The following CNKSR3 variants were observed in gnomAD, a reference collection of about 807,000 sequenced individuals.
CNKSR3 encodes CNKSR family member 3.
Under a neutral mutation model 67.7 loss-of-function variants are expected in CNKSR3, and 36 were observed. The observed-to-expected ratio is 0.53, with a 90% CI of 0.41 to 0.70. CNKSR3 has a LOEUF of 0.70. Ranked by LOEUF, CNKSR3 falls within the 30% of genes least tolerant of loss-of-function variation. The pLI, the probability that CNKSR3 is intolerant of heterozygous loss-of-function variation, is 0.00. For missense variants in CNKSR3, 630 were observed against 695.2 expected (o/e 0.91, Z 1.05); for synonymous variants, 281 against 271.4 (o/e 1.04, Z -0.35).
intron 1 of CNKSR3, among the ~76,000 whole-genome samples, chr6:154,461,398 T>G (rs1355554300): frequency 6.6e-6 from 1 of 152,194 alleles, no homozygotes; most frequent in Non-Finnish European, 1.5e-5. Context: ...GGAAATGGCA[T>G]AATTTATAGT....
chr6:154,479,241 A>G (rs192997639), intron 1 of CNKSR3, among the ~76,000 whole-genome samples: 2 of 151,984 alleles, frequency 1.3e-5, no homozygotes, highest in Non-Finnish European at 2.9e-5. Context: ...ATATTCTTTC[A>G]GTGCAGATTC....
intron 2 of CNKSR3, among the ~76,000 whole-genome samples, chr6:154,442,500 T>C (rs1483226620): frequency 6.6e-6 from 1 of 151,984 alleles, no homozygotes; most frequent in African/African-American, 2.4e-5. Flanking sequence ...CGGGCGCCTG[T>C]AGTCCCAGCT....
chr6:154,456,623 G>A (rs1280177931), intron 1 of CNKSR3, among the ~76,000 whole-genome samples: 6 of 140,388 alleles, frequency 4.3e-5, no homozygotes, highest in Non-Finnish European at 9.1e-5. Context: ...AGGAGAATCA[G>A]TTGAACCTGG....
chr6:154,406,319 C>G lies in CNKSR3; in HGVS notation c.*35G>C, dbSNP rs1305797500. On this transcript the variant is annotated 3_prime_UTR_variant, in exon 13 of 13. Coordinates refer to ENST00000607772, the MANE Select transcript of CNKSR3 (RefSeq NM_173515.4). ...CACTGTAAAAGCAAGGCACTTGGGG[C>G]AGGAGCCAGGCAGGTGGCCTGAGCA... The G allele has an allele frequency of 1.3e-6, 2 of 1,576,400 alleles. No homozygotes were observed. Among genetic ancestry groups the G allele is most frequent in the Admixed American group, 3.6e-5 (2 of 54,898 alleles).
At chr6:154,463,377 C>T in intron 1 of CNKSR3, among the ~76,000 whole-genome samples, 1 of 152,106 alleles carries the variant, frequency 6.6e-6, no homozygotes, top group East Asian at 1.9e-4. Flanking sequence ...CCGGCTTCAC[C>T]TTTCTTTCAT....
intron 1 of CNKSR3, among the ~76,000 whole-genome samples, chr6:154,465,472 C>A (rs929351310): frequency 3.3e-5 from 5 of 151,998 alleles, no homozygotes; most frequent in African/African-American, 1.2e-4. Context: ...CCTAGCATCC[C>A]CTCATATGTG....
chr6:154,455,704 A>C (rs999371924), intron 1 of CNKSR3, among the ~76,000 whole-genome samples: 1 of 152,202 alleles, frequency 6.6e-6, no homozygotes, highest in Non-Finnish European at 1.5e-5. Flanking sequence ...TTATAGGCAT[A>C]AGCCAACATG....
At chr6:154,423,129 A>G in intron 7 of CNKSR3, 146 bp from the exon 8 acceptor site, 1 of 569,082 alleles carries the variant, frequency 1.8e-6, no homozygotes, top group Non-Finnish European at 3.2e-6. Flanking sequence ...TTCCCCTGAG[A>G]CTACACAGTC....
intron 1 of CNKSR3, among the ~76,000 whole-genome samples, chr6:154,460,476 A>T (rs1786055757): frequency 6.6e-6 from 1 of 152,198 alleles, no homozygotes; most frequent in East Asian, 1.9e-4. Context: ...ACAAAAACAC[A>T]ACTGTGGGGA....
intron 2 of CNKSR3, among the ~76,000 whole-genome samples, chr6:154,444,488 G>A (rs190191363): frequency 8.5e-5 from 13 of 152,192 alleles, no homozygotes; most frequent in Non-Finnish European, 1.3e-4. Flanking sequence ...TAAGACAGAT[G>A]ACAAGATGGA....
intron 2 of CNKSR3, among the ~76,000 whole-genome samples, chr6:154,444,819 G>A (rs556978584): frequency 4.0e-5 from 6 of 151,838 alleles, no homozygotes; most frequent in Admixed American, 6.6e-5. Context: ...GTTGGCCAGG[G>A]TGGTCTCAAT....
intron 4 of CNKSR3, among the ~76,000 whole-genome samples, chr6:154,440,742 T>C (rs892897599): frequency 2.0e-5 from 3 of 152,204 alleles, no homozygotes; most frequent in Non-Finnish European, 4.4e-5. Context: ...ATGTCCTGTA[T>C]ACATCTTGAA....
chr6:154,466,425 T>C (rs983551695), intron 1 of CNKSR3, among the ~76,000 whole-genome samples: 1 of 152,052 alleles, frequency 6.6e-6, no homozygotes, highest in Non-Finnish European at 1.5e-5. Flanking sequence ...TGAGCAGCAA[T>C]ACTGGCAACA....
intron 12 of CNKSR3, 90 bp from the exon 13 acceptor site, chr6:154,406,742 G>A (rs1166523144): frequency 8.7e-7 from 1 of 1,146,624 alleles, no homozygotes; most frequent in African/African-American, 1.5e-5. Flanking sequence ...GGTCGAGGTG[G>A]GTGGATCACG....
chr6:154,476,880 T>A (rs191438422), intron 1 of CNKSR3, among the ~76,000 whole-genome samples: 1 of 152,204 alleles, frequency 6.6e-6, no homozygotes, highest in Non-Finnish European at 1.5e-5. Context: ...CTTAAAAATA[T>A]CCAGGTTTAA....
chr6:154,406,810 A>T (rs1000673907), intron 12 of CNKSR3, among the ~76,000 whole-genome samples, 158 bp from the exon 13 acceptor site: 6 of 152,038 alleles, frequency 3.9e-5, no homozygotes, highest in Non-Finnish European at 8.8e-5. Context: ...TCTACTGAAA[A>T]TACAAAAATT....
At chr6:154,475,982 T>TA (rs750856007) in intron 1 of CNKSR3, among the ~76,000 whole-genome samples, 2 of 152,040 alleles carry the variant, frequency 1.3e-5, no homozygotes, top group Non-Finnish European at 2.9e-5. Flanking sequence ...GTGTTGTTTT[T>TA]ACCCTGCAAA....
At chr6:154,422,837 T>A in intron 8 of CNKSR3, 78 bp downstream of exon 8, 2 of 1,337,188 alleles carry the variant, frequency 1.5e-6, no homozygotes, top group Non-Finnish European at 2.1e-6. Flanking sequence ...CGGCAAATTT[T>A]AAAAATTTAA....
chr6:154,500,364 T>C (rs1442383879), intron 1 of CNKSR3, among the ~76,000 whole-genome samples: 1 of 152,090 alleles, frequency 6.6e-6, no homozygotes, highest in Non-Finnish European at 1.5e-5. Flanking sequence ...ATGCTTCCTT[T>C]CACTAAAAGG....
Sources: allele counts gnomAD v4.1 joint callset (sites outside exome capture counted in the v4.1 genomes callset), GRCh38; gene constraint gnomAD v4.1.1; transcripts MANE v1.5; gene names NCBI Gene and HGNC (gene_info 2026-07-23, HGNC 2026-07-21).